The following HADHB variants were observed in gnomAD, a reference collection of about 807,000 sequenced individuals.
HADHB encodes trifunctional enzyme subunit beta, mitochondrial.
Under a neutral mutation model 61.9 loss-of-function variants are expected in HADHB, and 50 were observed. That is an observed-to-expected ratio of 0.81 (90% confidence interval 0.64 to 1.02). The LOEUF is 1.02. Among genes scored for constraint, HADHB ranks in the 50% least tolerant of loss-of-function variants. The pLI is 0.00. For missense variants in HADHB, 504 were observed against 586.5 expected (o/e 0.86, Z 1.45); for synonymous variants, 191 against 201.6 (o/e 0.95, Z 0.45).
intron 5 of HADHB, among the ~76,000 whole-genome samples, chr2:26,271,201 TCTC>T (rs1241744151): frequency 1.8e-4 from 27 of 149,940 alleles, no homozygotes; most frequent in Admixed American, 1.7e-3. Flanking sequence ...GGCCGATTCT[TCTC>T]TAGCTTAAAA....
At chr2:26,249,966 G>A (rs547156733) in intron 1 of HADHB, among the ~76,000 whole-genome samples, 1 of 152,166 alleles carries the variant, frequency 6.6e-6, no homozygotes, top group South Asian at 2.1e-4. Flanking sequence ...GGATATTAGA[G>A]TACAAACTAC....
chr2:26,274,156 C>T (rs955977917), intron 6 of HADHB, among the ~76,000 whole-genome samples: 1 of 152,182 alleles, frequency 6.6e-6, no homozygotes, highest in African/African-American at 2.4e-5. Context: ...CTGGAAGTAG[C>T]CTTGCTTACT....
At chr2:26,245,814 TG>T in intron 1 of HADHB, among the ~76,000 whole-genome samples, 1 of 152,166 alleles carries the variant, frequency 6.6e-6, no homozygotes, top group East Asian at 1.9e-4. Flanking sequence ...CATACCTTTT[TG>T]TTTAGTCCTC....
intron 4 of HADHB, among the ~76,000 whole-genome samples, chr2:26,266,439 T>A (rs1672079242): frequency 6.6e-6 from 1 of 152,172 alleles, no homozygotes; most frequent in Non-Finnish European, 1.5e-5. Flanking sequence ...GAAACGTTGC[T>A]TTCAACTTGA....
At chr2:26,260,886 T>G (rs960873863) in intron 3 of HADHB, 1 of 646,146 alleles carries the variant, frequency 1.5e-6, no homozygotes, top group Non-Finnish European at 2.7e-6. Flanking sequence ...AACTCTGGCT[T>G]ACGAATGACA....
intron 4 of HADHB, among the ~76,000 whole-genome samples, chr2:26,264,489 G>T (rs1354870473): frequency 6.9e-6 from 1 of 145,396 alleles, no homozygotes; most frequent in African/African-American, 2.6e-5. Flanking sequence ...GGTCAAGGCT[G>T]CAGTGAGCCG....
At chr2:26,274,559 G>T (rs1462302176) in intron 6 of HADHB, among the ~76,000 whole-genome samples, 1 of 152,208 alleles carries the variant, frequency 6.6e-6, no homozygotes, top group African/African-American at 2.4e-5. Context: ...ACTGCCAAAG[G>T]CCTGGCATGA....
In HADHB at chr2:26,247,439, G is replaced by A. The variant is rs1050068100; in HGVS notation, c.-9+2449G>A. Among the ~76,000 whole-genome samples the A allele has an allele frequency of 3.3e-5, 5 of 152,268 alleles. No individual in the cohort carries two copies. In the East Asian group the frequency reaches 9.6e-4, roughly 29 times the overall value. On this transcript the variant is annotated intron_variant, in intron 1 of 15. Coordinates refer to ENST00000317799, the MANE Select transcript of HADHB (RefSeq NM_000183.3). ...TTTTTTATTCAGAAACTACAGAAAAGTCTAAAGAAAATCTGTAATTCCACC... is the reference window on the plus strand; with the variant it reads ...TTTTTTATTCAGAAACTACAGAAAAATCTAAAGAAAATCTGTAATTCCACC...
Position 26,272,286 on chromosome 2 carries a change from T to C in HADHB, c.255-1365T>C, listed in dbSNP as rs376935131. Reference sequence around the variant, plus strand: ...GTGCACAGATTTTAAGTGTATAGTTTGATGAGTTTTGACAAATGTATATAC... The same window carrying C: ...GTGCACAGATTTTAAGTGTATAGTTCGATGAGTTTTGACAAATGTATATAC... On this transcript the variant is annotated intron_variant, in intron 5 of 15. Transcript: ENST00000317799. Among the ~76,000 whole-genome samples the C allele has an allele frequency of 2.0e-5, 3 of 152,098 alleles. No homozygotes were observed. In the East Asian group the frequency reaches 5.8e-4, roughly 29 times the overall value.
At chr2:26,287,250 A>G (rs1558363298) in intron 15 of HADHB, among the ~76,000 whole-genome samples, 1 of 152,156 alleles carries the variant, frequency 6.6e-6, no homozygotes, top group Non-Finnish European at 1.5e-5. Context: ...GCCCTTTTTC[A>G]TGGATTTTCC....
chr2:26,255,329 A>G (rs1365059577), intron 3 of HADHB, among the ~76,000 whole-genome samples: 1 of 151,958 alleles, frequency 6.6e-6, no homozygotes, highest in Admixed American at 6.6e-5. Context: ...GCGAAACCCC[A>G]TCTCTACTAA....
intron 1 of HADHB, among the ~76,000 whole-genome samples, chr2:26,248,443 TA>T (rs1671247873): frequency 6.6e-6 from 1 of 152,062 alleles, no homozygotes; most frequent in Non-Finnish European, 1.5e-5. Flanking sequence ...TTCAGTGGCG[TA>T]AGCCACCACC....
rs1182094313 is a variant in HADHB, at chr2:26,256,958, T to C, written c.109+2484T>C. Among the ~76,000 whole-genome samples, 4 of 152,218 alleles carry C rather than the reference T, an allele frequency of 2.6e-5. No homozygotes were observed. In the East Asian group the frequency reaches 7.7e-4, roughly 29 times the overall value. On this transcript the variant is annotated intron_variant, in intron 3 of 15. Transcript: ENST00000317799. ...AGAAAGGGGTCATATGGTAGTTTTC[T>C]GCTGTGGCCTCAATCAGTCCTCTCG...
chr2:26,270,862 A>T (rs1574656418), intron 5 of HADHB, among the ~76,000 whole-genome samples: 3 of 144,906 alleles, frequency 2.1e-5, no homozygotes, highest in Non-Finnish European at 1.5e-5. Context: ...CTGTATCCTG[A>T]CTGATTCTTC....
chr2:26,246,688 T>C (rs1421793063), intron 1 of HADHB, among the ~76,000 whole-genome samples: 1 of 152,058 alleles, frequency 6.6e-6, no homozygotes, highest in African/African-American at 2.4e-5. Context: ...TAGAGGCCCG[T>C]GTGTTGTAGT....
chr2:26,254,158 T>A, intron 1 of HADHB, 89 bp from the exon 2 acceptor site: 1 of 751,364 alleles, frequency 1.3e-6, no homozygotes, highest in Non-Finnish European at 2.4e-6. Context: ...CTAGTAGCCA[T>A]GGATGAGGTT....
At position 26,287,293 on chromosome 2, in the gene HADHB, A is replaced by AT. The variant is rs1358897723; in HGVS notation, c.1389+1725dup. Among the ~76,000 whole-genome samples the AT allele has an allele frequency of 3.9e-5, 6 of 152,280 alleles. No homozygotes were observed. In the South Asian group the frequency reaches 1.2e-3, roughly 32 times the overall value. The stretch of plus-strand genomic sequence containing the variant: ...CTTTGCAGAAACCAAGGGGTCAGTT[A>AT]TTTATCAGTTGGAACATTTTGGACT... On this transcript the variant is annotated intron_variant, in intron 15 of 15. Coordinates refer to ENST00000317799, the MANE Select transcript of HADHB (RefSeq NM_000183.3).
intron 12 of HADHB, 70 bp downstream of exon 12, chr2:26,283,121 TAATA>T (rs1187808723): frequency 1.1e-6 from 1 of 946,144 alleles, no homozygotes; most frequent in Non-Finnish European, 1.8e-6. Context: ...TTATACTGGT[TAATA>T]AATGATTAAC....
chr2:26,262,749 G>T (rs761966841), intron 3 of HADHB, among the ~76,000 whole-genome samples: 40 of 152,290 alleles, frequency 2.6e-4, no homozygotes, highest in Non-Finnish European at 4.4e-4. Context: ...AATATTAAGG[G>T]TAGATTTGCG....
Sources: gnomAD v4.1 joint callset for allele counts (sites outside exome capture counted in the v4.1 genomes callset) on GRCh38, gnomAD v4.1.1 for gene constraint, MANE v1.5 for transcripts, NCBI Gene and HGNC (gene_info 2026-07-23, HGNC 2026-07-21) for gene names.